Variants in TRIOBP observed in about 807,000 individuals in gnomAD.
TRIOBP encodes TRIO and F-actin-binding protein.
Under a neutral mutation model 238.8 loss-of-function variants are expected in TRIOBP, and 169 were observed. The ratio of observed to expected loss-of-function variants is 0.71; its 90% CI spans 0.62 to 0.80. TRIOBP has a LOEUF of 0.80. Among genes scored for constraint, TRIOBP ranks in the 30% least tolerant of loss-of-function variants. The pLI is 0.00. For synonymous variants in TRIOBP, 1,150 were observed against 1,274.4 expected, an observed-to-expected ratio of 0.90 and a Z score of 2.08; for missense variants, 2,838 against 3,122.6, an observed-to-expected ratio of 0.91 and a Z score of 2.17.
chr22:37,752,497 A>G (rs868247163), intron 12 of TRIOBP, among the ~76,000 whole-genome samples: 1 of 152,166 alleles, frequency 6.6e-6, no homozygotes, highest in Non-Finnish European at 1.5e-5. Flanking sequence ...CCCTGCCCAC[A>G]CTGCCTGGGC....
intron 9 of TRIOBP, among the ~76,000 whole-genome samples, chr22:37,737,264 G>C (rs56835367): frequency 0.06 from 9,204 of 152,190 alleles, 929 homozygotes; most frequent in African/African-American, 0.2. Context: ...ATGGTGGCTG[G>C]GAAGGGATGG....
Position 37,713,296 on chromosome 22 carries a change from A to C in TRIOBP, c.341A>C (p.Tyr114Ser), listed in dbSNP as rs1198121141. The C allele has an allele frequency of 2.5e-6, 4 of 1,613,872 alleles. No individual in the cohort carries two copies. The highest frequency in any genetic ancestry group is 2.2e-5 in the South Asian group (2 of 91,090). Residue 114 changes from tyrosine (Y) to serine (S), a missense_variant, in exon 5 of 24, where the codon TAT becomes TCT. By Grantham distance (144) the Tyr-to-Ser change is moderately radical. Transcript: ENST00000644935. ...AGCCGGGAGCTTGAGGCAGTACCCTATCTGGAGGGCCTGACCACTTCCTTG... is the reference window on the plus strand; with the variant it reads ...AGCCGGGAGCTTGAGGCAGTACCCTCTCTGGAGGGCCTGACCACTTCCTTG... ...SRSRELEAVP[Y>S]LEGLTTSLCG...
At chr22:37,742,398 T>G (rs1212319131) in intron 11 of TRIOBP, among the ~76,000 whole-genome samples, 1 of 151,690 alleles carries the variant, frequency 6.6e-6, no homozygotes, top group Non-Finnish European at 1.5e-5. Flanking sequence ...GAGTATGTGG[T>G]ACTACAGGCG....
At chr22:37,772,431 A>G (rs1040260700) in intron 22 of TRIOBP, among the ~76,000 whole-genome samples, 170 bp from the exon 23 acceptor site, 5 of 152,160 alleles carry the variant, frequency 3.3e-5, no homozygotes, top group Admixed American at 6.5e-5. Flanking sequence ...GGGTGGTACC[A>G]GGGAGGTGGG....
chr22:37,772,551 G>C, intron 22 of TRIOBP, 50 bp from the exon 23 acceptor site: 1 of 1,613,166 alleles, frequency 6.2e-7, no homozygotes, highest in Non-Finnish European at 8.5e-7. Flanking sequence ...CCGGTTGGCA[G>C]GGCTGGAGGG....
intron 2 of TRIOBP, among the ~76,000 whole-genome samples, chr22:37,700,833 A>T (rs921068437): frequency 1.3e-5 from 2 of 152,168 alleles, no homozygotes; most frequent in Non-Finnish European, 2.9e-5. Flanking sequence ...CTGGGATTAC[A>T]GGCACGTGCC....
At chr22:37,763,073 C>T (rs1056231971) in intron 17 of TRIOBP, among the ~76,000 whole-genome samples, 1 of 152,120 alleles carries the variant, frequency 6.6e-6, no homozygotes, top group Non-Finnish European at 1.5e-5. Context: ...AGCTGAGTCC[C>T]ACCTCCTGAT....
Position 37,754,996 on chromosome 22 carries a change from G to T in TRIOBP, c.5487+12G>T, listed in dbSNP as rs1925837460. On this transcript the variant is annotated intron_variant, in intron 13 of 23. Transcript: ENST00000644935. Reference sequence around the variant, plus strand: ...CCACTGCTGAGGAGGTGAGGCCATGGGTGTACTGATGAACCCCCGGAAGGG... The same window carrying T: ...CCACTGCTGAGGAGGTGAGGCCATGTGTGTACTGATGAACCCCCGGAAGGG... 1 of 1,613,564 alleles carries T rather than the reference G, an allele frequency of 6.2e-7. No homozygotes were observed. Among genetic ancestry groups the T allele is most frequent in the Admixed American group, 1.7e-5 (1 of 59,952 alleles).
intron 6 of TRIOBP, among the ~76,000 whole-genome samples, chr22:37,722,543 A>G (rs1340664894): frequency 1.3e-5 from 2 of 150,484 alleles, no homozygotes; most frequent in African/African-American, 2.5e-5. Context: ...CCTGGCCAAC[A>G]TGGTGAAACC....
rs2145824462 is a variant in TRIOBP at position 37,715,875 on chromosome 22, C to T, written c.569C>T (p.Ala190Val). The change falls in exon 6 of 24, where the codon GCT becomes GTT. Residue 190 changes from alanine to valine, a missense_variant. Physicochemically the swap from Ala to Val is moderately conservative, Grantham distance 64. Around this residue, in one of 5 missense-constraint regions of TRIOBP, gnomAD observed 535 missense variants for 537.3 expected, o/e 1.00. Coordinates refer to ENST00000644935, the MANE Select transcript of TRIOBP (RefSeq NM_001039141.3). ...CCGAGAGCTGACAGCTCCCAAAGGG[C>T]TCCGTCTCTCCTCACCAGGTCCCCT... ...EGPRADSSQR[A>V]PSLLTRSPVG... 3.7e-6 allele frequency: 6 copies of T among 1,613,776 alleles called. No homozygotes were observed. The highest frequency in any genetic ancestry group is 1.7e-4 in the Middle Eastern group (1 of 5,874).
intron 9 of TRIOBP, among the ~76,000 whole-genome samples, chr22:37,736,691 A>C (rs770091798): frequency 2.0e-5 from 3 of 152,230 alleles, no homozygotes; most frequent in Middle Eastern, 3.4e-3. Context: ...GCAATTGCAC[A>C]ATCTCAGCTC....
intron 7 of TRIOBP, 103 bp from the exon 8 acceptor site, chr22:37,733,195 T>C: frequency 1.1e-6 from 1 of 896,694 alleles, no homozygotes; most frequent in Non-Finnish European, 1.8e-6. Flanking sequence ...TTGCAGTGGG[T>C]CCCTGGCTGT....
chr22:37,767,184 A>G (rs1926540546), intron 18 of TRIOBP, among the ~76,000 whole-genome samples: 1 of 151,538 alleles, frequency 6.6e-6, no homozygotes, highest in South Asian at 2.1e-4. Context: ...GTGGGCGGCA[A>G]AGGTTGTAGT....
Position 37,772,684 on chromosome 22 carries a change from G to C in TRIOBP, c.7020G>C (p.Glu2340Asp), listed in dbSNP as rs373236761. ...HIKTRSEREI[E>D]QLKEHLRLAM... ...AGACACGGTCTGAGCGGGAGATCGA[G>C]CAGCTGAAGGAGCACCTGCGTCTTG... The change falls in exon 23 of 24, where the codon GAG becomes GAC. Residue 2340 changes from glutamate (E) to aspartate (D), a missense_variant. Coordinates refer to ENST00000644935, the MANE Select transcript of TRIOBP (RefSeq NM_001039141.3). 348 of 1,614,026 alleles carry C rather than the reference G, an allele frequency of 2.2e-4. 1 individual carries two copies. The highest frequency in any genetic ancestry group is 5.0e-4 in the Admixed American group (30 of 59,996).
Position 37,771,740 on chromosome 22 carries a change from G to C in TRIOBP, c.6936+4G>C. 2 of 1,613,840 alleles carry C rather than the reference G, an allele frequency of 1.2e-6. No individual in the cohort carries two copies. The highest frequency in any genetic ancestry group is 1.7e-6 in the Non-Finnish European group (2 of 1,179,758). On this transcript the variant is annotated splice_donor_region_variant and intron_variant, in intron 22 of 23. Coordinates refer to ENST00000644935, the MANE Select transcript of TRIOBP (RefSeq NM_001039141.3). ...CGAGCTCCAGATGATGCAGAAGGTA[G>C]GTCCTTCCGCTGGGCTGGGGGCCGT... is the stretch of plus-strand genomic sequence containing the variant.
At chr22:37,741,073 T>A (rs1400659701) in intron 11 of TRIOBP, 41 bp downstream of exon 11, 7 of 1,546,462 alleles carry the variant, frequency 4.5e-6, no homozygotes, top group Non-Finnish European at 6.1e-6. Flanking sequence ...TGAGGGTGGA[T>A]AGAGACGGGG....
rs1924449414 is a variant in TRIOBP, at chr22:37,732,067, C to T, written c.3948-1231C>T. On this transcript the variant is annotated intron_variant, in intron 7 of 23. Transcript: ENST00000644935. ...GGCTTCTCTTCCTGGTTCAGTTCAT[C>T]GACCAAAGACATGGCTCCATTTGCT... is the stretch of plus-strand genomic sequence containing the variant. Among the ~76,000 whole-genome samples the T allele has an allele frequency of 2.6e-5, 4 of 152,332 alleles. No homozygotes were observed. The South Asian group carries it at 8.3e-4, about 32-fold the overall frequency.
intron 11 of TRIOBP, among the ~76,000 whole-genome samples, chr22:37,749,943 G>A (rs972793674): frequency 5.9e-5 from 9 of 152,052 alleles, no homozygotes; most frequent in Non-Finnish European, 8.8e-5. Context: ...AGCAGAGCAG[G>A]GCCCTGTCTC....
At chr22:37,749,712 C>G (rs1170278836) in intron 11 of TRIOBP, among the ~76,000 whole-genome samples, 1 of 145,022 alleles carries the variant, frequency 6.9e-6, no homozygotes. Flanking sequence ...TTTTGGAGGC[C>G]GAGGTGAGCG....
Sources: gnomAD v4.1 joint callset for allele counts (sites outside exome capture counted in the v4.1 genomes callset) on GRCh38, gnomAD v4.1.1 for gene constraint, gnomAD v4.1.1 regional missense constraint, MANE v1.5 for transcripts, NCBI Gene and HGNC (gene_info 2026-07-23, HGNC 2026-07-21) for gene names.